Variants in NRG3 observed in about 807,000 individuals in gnomAD.
The protein encoded by NRG3 is pro-neuregulin-3, membrane-bound isoform.
NRG3 carries 31 observed loss-of-function variants against 66.9 expected under a neutral mutation model. The observed-to-expected ratio is 0.46, with a 90% confidence interval of 0.35 to 0.63. The LOEUF (loss-of-function observed/expected upper bound fraction) is 0.63, where lower values mean the gene tolerates loss of function less well. NRG3 is among the 20% of genes least tolerant of loss of function. The pLI is 0.00. For missense variants in NRG3, 910 were observed against 878.9 expected, an observed-to-expected ratio of 1.04 and a Z score of -0.45; for synonymous variants, 393 against 359.4, an observed-to-expected ratio of 1.09 and a Z score of -1.06.
intron 2 of NRG3, among the ~76,000 whole-genome samples, chr10:82,372,618 G>A (rs116300596): frequency 2.4e-3 from 369 of 152,080 alleles, no homozygotes; most frequent in African/African-American, 8.4e-3. Flanking sequence ...TTTATCCTGA[G>A]AGTCTTGCTG....
intron 3 of NRG3, among the ~76,000 whole-genome samples, chr10:82,768,690 T>G (rs2059607485): frequency 6.6e-6 from 1 of 152,198 alleles, no homozygotes; most frequent in South Asian, 2.1e-4. Context: ...TATTAACTAT[T>G]TTAATGATAT....
At chr10:82,116,676 A>C (rs1451642992) in intron 1 of NRG3, among the ~76,000 whole-genome samples, 1 of 152,126 alleles carries the variant, frequency 6.6e-6, no homozygotes, top group Non-Finnish European at 1.5e-5. Context: ...TTTGTAAACA[A>C]AAGTGTTTAA....
chr10:82,172,760 G>T (rs1443669811), intron 1 of NRG3, among the ~76,000 whole-genome samples: 1 of 152,050 alleles, frequency 6.6e-6, no homozygotes, highest in African/African-American at 2.4e-5. Context: ...ACAGAGGTCT[G>T]CGGGGCCTTT....
intron 3 of NRG3, among the ~76,000 whole-genome samples, chr10:82,760,698 A>G (rs1285250383): frequency 6.6e-6 from 1 of 152,032 alleles, no homozygotes; most frequent in East Asian, 1.9e-4. Context: ...AAATAAATAG[A>G]GAATAGCTAC....
At chr10:82,160,026 T>C (rs919877314) in intron 1 of NRG3, among the ~76,000 whole-genome samples, 2 of 151,918 alleles carry the variant, frequency 1.3e-5, no homozygotes, top group African/African-American at 4.8e-5. Flanking sequence ...ATAAGAGTTG[T>C]TTATTGTTTG....
At chr10:82,204,051 CT>C (rs1236530990) in intron 1 of NRG3, among the ~76,000 whole-genome samples, 1 of 149,482 alleles carries the variant, frequency 6.7e-6, no homozygotes, top group Non-Finnish European at 1.5e-5. Flanking sequence ...TTTTCTAACT[CT>C]TTAAGGTATC....
chr10:82,752,569 A>T (rs748138605), intron 3 of NRG3, among the ~76,000 whole-genome samples: 1 of 152,202 alleles, frequency 6.6e-6, no homozygotes, highest in Non-Finnish European at 1.5e-5. Flanking sequence ...TTATAATTGT[A>T]TACAATTCCA....
At chr10:81,982,472 G>A (rs553820935) in intron 1 of NRG3, among the ~76,000 whole-genome samples, 1 of 152,234 alleles carries the variant, frequency 6.6e-6, no homozygotes, top group South Asian at 2.1e-4. Flanking sequence ...CAGTTCTTTA[G>A]CATCCCACAT....
intron 2 of NRG3, among the ~76,000 whole-genome samples, chr10:82,368,937 T>C (rs1306014959): frequency 2.2e-5 from 3 of 138,358 alleles, no homozygotes; most frequent in Non-Finnish European, 4.4e-5. Flanking sequence ...CTGTGGACTC[T>C]GCCGAGGCAA....
At chr10:82,509,965 G>T (rs982515115) in intron 2 of NRG3, among the ~76,000 whole-genome samples, 12 of 151,856 alleles carry the variant, frequency 7.9e-5, no homozygotes, top group Non-Finnish European at 1.6e-4. Flanking sequence ...CTGTTTTCTC[G>T]CAGACAAGGT....
chr10:82,985,432 A>T lies in NRG3; in HGVS notation c.1918A>T (p.Ile640Phe). 6.2e-7 allele frequency: 1 copy of T among 1,614,158 alleles called. No homozygotes were observed. The highest frequency in any genetic ancestry group is 1.1e-5 in the South Asian group (1 of 91,088). Residue 640 changes from isoleucine to phenylalanine, a missense_variant, in exon 9 of 9, where the codon ATT (isoleucine) becomes TTT (phenylalanine). Physicochemically the swap from Ile to Phe is conservative, Grantham distance 21. Transcript: ENST00000372141. ...AGAAACTGTCCAGGAGCAGATCCGA[A>T]TTCTGACTGATGCCAGACGGTCAGA... ...LLETVQEQIRILTDARRSEDY... is the reference protein window; with the variant it reads ...LLETVQEQIRFLTDARRSEDY...
At chr10:82,973,686 G>C (rs531239229) in intron 6 of NRG3, 102 bp from the exon 7 acceptor site, 1 of 1,292,830 alleles carries the variant, frequency 7.7e-7, no homozygotes, top group East Asian at 2.3e-5. Context: ...AGGTGACCAG[G>C]AGGAACTGGC....
chr10:82,742,019 A>T (rs1248224030), intron 3 of NRG3, among the ~76,000 whole-genome samples: 1 of 152,032 alleles, frequency 6.6e-6, no homozygotes, highest in Non-Finnish European at 1.5e-5. Context: ...CTTCAGAATG[A>T]CTGTATGCTC....
At chr10:82,791,501 G>A (rs143642919) in intron 3 of NRG3, among the ~76,000 whole-genome samples, 43 of 152,170 alleles carry the variant, frequency 2.8e-4, no homozygotes, top group African/African-American at 9.9e-4. Flanking sequence ...GCTGGGGCAA[G>A]CCTTCAGTGC....
At chr10:82,068,423 T>C (rs2064612842) in intron 1 of NRG3, among the ~76,000 whole-genome samples, 1 of 152,208 alleles carries the variant, frequency 6.6e-6, no homozygotes, top group Non-Finnish European at 1.5e-5. Context: ...TACTACATGA[T>C]AGGCTCTGTA....
At chr10:82,528,487 G>A (rs1846938682) in intron 2 of NRG3, among the ~76,000 whole-genome samples, 1 of 152,102 alleles carries the variant, frequency 6.6e-6, no homozygotes, top group Non-Finnish European at 1.5e-5. Context: ...CTGGATATTT[G>A]GACAATTCAG....
chr10:82,376,094 A>T (rs936748709), intron 2 of NRG3, among the ~76,000 whole-genome samples: 1 of 152,106 alleles, frequency 6.6e-6, no homozygotes, highest in Non-Finnish European at 1.5e-5. Flanking sequence ...ATTCTGTTTC[A>T]GTAGGTCTGG....
In NRG3 at chr10:81,916,588, A is replaced by G. The variant is rs571706361; in HGVS notation, c.823+40425A>G. Among the ~76,000 whole-genome samples, 8 of 152,314 alleles carry G rather than the reference A, an allele frequency of 5.3e-5. No homozygotes were observed. In the East Asian group the frequency reaches 1.4e-3, roughly 26 times the overall value. On this transcript the variant is annotated intron_variant, in intron 1 of 8. Coordinates refer to ENST00000372141, the MANE Select transcript of NRG3 (RefSeq NM_001010848.4). Reference sequence around the variant, plus strand: ...TCTCCTAAAAGCAGGTGAAACTGAAATAGAATAACGAACCCAAGGGTCTGC... The same window carrying G: ...TCTCCTAAAAGCAGGTGAAACTGAAGTAGAATAACGAACCCAAGGGTCTGC...
chr10:82,669,871 T>A (rs1238699634), intron 2 of NRG3, among the ~76,000 whole-genome samples: 1 of 149,014 alleles, frequency 6.7e-6, no homozygotes, highest in Non-Finnish European at 1.5e-5. Context: ...GAGCTTGCAG[T>A]GAGCCGAGAT....
Sources: allele counts gnomAD v4.1 joint callset (sites outside exome capture counted in the v4.1 genomes callset), GRCh38; gene constraint gnomAD v4.1.1; transcripts MANE v1.5; gene names NCBI Gene and HGNC (gene_info 2026-07-23, HGNC 2026-07-21).